SNTB1: variants seen among roughly 807,000 people sequenced by gnomAD.
SNTB1 encodes syntrophin beta 1.
In SNTB1, 36 loss-of-function variants were observed where a neutral mutation model predicts 48.9. That is an observed-to-expected ratio of 0.74 (90% CI 0.56 to 0.97). SNTB1 has a LOEUF of 0.97. Among genes scored for constraint, SNTB1 ranks in the 50% least tolerant of loss-of-function variants. The pLI is 0.00. For missense variants in SNTB1, 786 were observed against 703.4 expected, an observed-to-expected ratio of 1.12 and a Z score of -1.33; for synonymous variants, 299 against 294.6, an observed-to-expected ratio of 1.01 and a Z score of -0.15.
At chr8:120,732,127 G>T (rs1432696685) in intron 1 of SNTB1, among the ~76,000 whole-genome samples, 1 of 152,156 alleles carries the variant, frequency 6.6e-6, no homozygotes, top group East Asian at 1.9e-4. Flanking sequence ...TTTTAACAGG[G>T]TACTGTGGCA....
At chr8:120,602,578 A>G (rs992359806) in intron 3 of SNTB1, among the ~76,000 whole-genome samples, 1 of 152,110 alleles carries the variant, frequency 6.6e-6, no homozygotes, top group Non-Finnish European at 1.5e-5. Flanking sequence ...CACCCTGCAG[A>G]TTTCAGATTT....
intron 2 of SNTB1, among the ~76,000 whole-genome samples, chr8:120,648,460 A>C (rs1361424030): frequency 1.3e-5 from 2 of 151,634 alleles, no homozygotes; most frequent in East Asian, 1.9e-4. Flanking sequence ...TTCTGGGTTG[A>C]AAATTCTTTT....
intron 2 of SNTB1, among the ~76,000 whole-genome samples, chr8:120,677,232 T>C (rs5003013): frequency 0.45 from 67,778 of 151,962 alleles, 15,302 homozygotes; most frequent in African/African-American, 0.5. Flanking sequence ...TTGTCACTCT[T>C]CTTTTCTACA....
At chr8:120,671,183 C>T (rs1340566843) in intron 2 of SNTB1, among the ~76,000 whole-genome samples, 1 of 152,104 alleles carries the variant, frequency 6.6e-6, no homozygotes, top group Non-Finnish European at 1.5e-5. Flanking sequence ...TGATATTACC[C>T]CCATCTCCCT....
In SNTB1 at chr8:120,811,883, G is replaced by T. The variant is rs1010433113; in HGVS notation, c.-40C>A. The T allele has an allele frequency of 2.5e-5, 33 of 1,311,026 alleles. No homozygotes were observed. Among genetic ancestry groups the T allele is most frequent in the Middle Eastern group, 2.7e-4 (1 of 3,650 alleles). The allele number at this position is 1,311,026 out of a possible 1,614,324, so 81.2% of individuals were successfully genotyped here. On this transcript the variant is annotated 5_prime_UTR_variant, in exon 1 of 7. Coordinates refer to ENST00000517992, the MANE Select transcript of SNTB1 (RefSeq NM_021021.4). ...TAAAATGCCATGTGATTGGAAAAGG[G>T]GGGAAAAGTGGGGAAGGGTGGCCGG...
chr8:120,623,304 C>T (rs184370035), intron 3 of SNTB1, among the ~76,000 whole-genome samples: 21 of 152,294 alleles, frequency 1.4e-4, no homozygotes, highest in African/African-American at 3.9e-4. Context: ...TCACATGTTT[C>T]CAAAAGCCTA....
intron 2 of SNTB1, among the ~76,000 whole-genome samples, chr8:120,679,120 C>T (rs937490320): frequency 3.9e-5 from 6 of 152,130 alleles, no homozygotes; most frequent in African/African-American, 1.2e-4. Flanking sequence ...TGTTGGTTCC[C>T]GAGACAGCCC....
chr8:120,739,148 C>T (rs1010395587), intron 1 of SNTB1, among the ~76,000 whole-genome samples: 4 of 152,168 alleles, frequency 2.6e-5, no homozygotes, highest in African/African-American at 9.6e-5. Context: ...CAAGAGAAAA[C>T]AGAGTTGCTC....
intron 1 of SNTB1, among the ~76,000 whole-genome samples, chr8:120,727,976 C>T (rs1170152289): frequency 1.3e-5 from 2 of 152,118 alleles, no homozygotes; most frequent in Non-Finnish European, 2.9e-5. Flanking sequence ...CACCCTTTCC[C>T]TCTTGCACGT....
At chr8:120,775,275 G>A (rs1407774554) in intron 1 of SNTB1, 1 of 152,074 alleles carries the variant, frequency 6.6e-6, no homozygotes, top group East Asian at 1.9e-4. Context: ...CTCATTGCAG[G>A]CTTTGAATCC....
At chr8:120,673,695 T>C (rs1817791242) in intron 2 of SNTB1, among the ~76,000 whole-genome samples, 1 of 151,910 alleles carries the variant, frequency 6.6e-6, no homozygotes, top group South Asian at 2.1e-4. Flanking sequence ...GGCCTCTTGC[T>C]CTACTATGAC....
intron 3 of SNTB1, among the ~76,000 whole-genome samples, chr8:120,602,537 A>T (rs1816436594): frequency 6.6e-6 from 1 of 152,150 alleles, no homozygotes; most frequent in East Asian, 1.9e-4. Flanking sequence ...CTTTAACTTC[A>T]TCTGTTGCCA....
chr8:120,571,293 G>A (rs72680559), intron 4 of SNTB1: 225,224 of 1,233,404 alleles, frequency 0.18, 25,108 homozygotes, highest in African/African-American at 0.27. Flanking sequence ...TCCAGTGACT[G>A]TGGTCTAATC....
In SNTB1 at chr8:120,612,089, C is replaced by A. The variant is rs56818139; in HGVS notation, c.996+20355G>T. On this transcript the variant is annotated intron_variant, in intron 3 of 6. Transcript: ENST00000517992. ...ACATCATGGTGCCTGCAATTAGCTG[C>A]TAAAATTTAACACTGGCACTGAACA... Among the ~76,000 whole-genome samples, 308 of 152,242 alleles carry A rather than the reference C, an allele frequency of 2.0e-3. 1 individual carries two copies. Among genetic ancestry groups the A allele is most frequent in the African/African-American group, 6.6e-3 (276 of 41,558 alleles).
intron 3 of SNTB1, among the ~76,000 whole-genome samples, chr8:120,614,976 T>TAAAAAAAAAA (rs61318757): frequency 2.7e-5 from 2 of 73,268 alleles, no homozygotes; most frequent in African/African-American, 1.3e-4. Context: ...TCACCTCTAC[T>TAAAAAAAAAA]AAAAAAAAAA....
intron 2 of SNTB1, among the ~76,000 whole-genome samples, chr8:120,646,660 C>T (rs1049700386): frequency 2.0e-5 from 3 of 151,842 alleles, no homozygotes; most frequent in African/African-American, 7.2e-5. Flanking sequence ...GCTTTGGTAT[C>T]AGAATGATGC....
In SNTB1 at chr8:120,549,463, G is replaced by A. The variant is rs1815442250; in HGVS notation, c.1137-505C>T. 2.0e-5 allele frequency among the ~76,000 whole-genome samples: 3 copies of A among 152,184 alleles called. No homozygotes were observed. In the South Asian group the frequency reaches 6.2e-4, roughly 32 times the overall value. The stretch of plus-strand genomic sequence containing the variant: ...ATGCAAACAAACAAGCTGAAACTCA[G>A]TTGAAGCAATAGCCAGTGGTGTATC... On this transcript the variant is annotated intron_variant, in intron 4 of 6. Coordinates refer to ENST00000517992, the MANE Select transcript of SNTB1 (RefSeq NM_021021.4).
chr8:120,575,215 TC>T lies in SNTB1; in HGVS notation c.1006del (p.Glu336ArgfsTer13). ...GGCTGGTTTCCACTGTTTCTTGCTC[TC>T]CCCTGGCACCTGAAAAAGAAAGCAG... is the stretch of plus-strand genomic sequence containing the variant. ...LGWLAEKVPG[E>X]SKKQWKPALV... On this transcript the variant is annotated frameshift_variant, in exon 4 of 7. Coordinates refer to ENST00000517992, the MANE Select transcript of SNTB1 (RefSeq NM_021021.4). LOFTEE classifies it high-confidence loss of function. 1 of 1,614,066 alleles carries T rather than the reference TC, an allele frequency of 6.2e-7. No homozygotes were observed. Among genetic ancestry groups the T allele is most frequent in the Non-Finnish European group, 8.5e-7 (1 of 1,179,982 alleles).
intron 5 of SNTB1, among the ~76,000 whole-genome samples, chr8:120,547,257 C>T (rs549346104): frequency 1.3e-5 from 2 of 152,146 alleles, no homozygotes; most frequent in South Asian, 4.1e-4. Flanking sequence ...TTTTAAAATG[C>T]TGGTCTTGCC....
Sources: gnomAD v4.1 joint callset for allele counts (sites outside exome capture counted in the v4.1 genomes callset) on GRCh38, gnomAD v4.1.1 for gene constraint, MANE v1.5 for transcripts, NCBI Gene and HGNC (gene_info 2026-07-23, HGNC 2026-07-21) for gene names.